Variants in THSD7A observed in about 807,000 individuals in gnomAD.
THSD7A encodes the protein thrombospondin type-1 domain-containing protein 7A.
Under a neutral mutation model 231.3 loss-of-function variants are expected in THSD7A, and 96 were observed. That is an observed-to-expected ratio of 0.41 (90% CI 0.35 to 0.49). THSD7A has a LOEUF of 0.49. THSD7A is among the 20% of genes least tolerant of loss of function. THSD7A has a pLI of 0.05. For synonymous variants in THSD7A, 940 were observed against 743.3 expected (o/e 1.26, Z -4.30); for missense variants, 2,290 against 2,070.2 (o/e 1.11, Z -2.06).
intron 1 of THSD7A, among the ~76,000 whole-genome samples, chr7:11,663,126 T>C (rs1271848110): frequency 1.3e-5 from 2 of 151,432 alleles, no homozygotes; most frequent in African/African-American, 4.8e-5. Flanking sequence ...AAGACTGATA[T>C]TCATAAATCT....
At position 11,474,262 on chromosome 7, in the gene THSD7A, G is replaced by A; in HGVS notation, c.2252+72C>T. On this transcript the variant is annotated intron_variant, in intron 8 of 27. Coordinates refer to ENST00000423059, the MANE Select transcript of THSD7A (RefSeq NM_015204.3). This position sits in a 1 kb window ranked among gnomAD's most constrained non-coding sequence, Gnocchi z 4.1. ...GCATCAAAATGTTCCATTTCATGAAGCCAGTGAAGCCTGAGCCAATCCTCT... is the reference window on the plus strand; with the variant it reads ...GCATCAAAATGTTCCATTTCATGAAACCAGTGAAGCCTGAGCCAATCCTCT... The A allele has an allele frequency of 1.6e-6, 2 of 1,254,784 alleles. No homozygotes were observed. Among genetic ancestry groups the A allele is most frequent in the South Asian group, 3.0e-5 (2 of 67,178 alleles). 77.7% of individuals were successfully genotyped at this position (1,254,784 alleles called of 1,614,324 possible).
intron 6 of THSD7A, among the ~76,000 whole-genome samples, chr7:11,497,227 G>A (rs55733317): frequency 6.6e-6 from 1 of 152,236 alleles, no homozygotes; most frequent in Non-Finnish European, 1.5e-5. Flanking sequence ...ATAGGATGAG[G>A]GAAACTGCCC....
Position 11,474,466 on chromosome 7 carries a change from C to A in THSD7A, c.2120G>T (p.Cys707Phe). 1 of 1,613,578 alleles carries A rather than the reference C, an allele frequency of 6.2e-7. No homozygotes were observed. The highest frequency in any genetic ancestry group is 1.1e-5 in the South Asian group (1 of 91,078). ...YHWQTGPWGQ[C>F]IEDTSVSSFN... The stretch of plus-strand genomic sequence containing the variant: ...GGACGATACTGAGGTGTCCTCAATG[C>A]ACTGGCCCCAGGGACCAGTTTGCCA... The change falls in exon 8 of 28, where the codon TGC becomes TTC. Residue 707 changes from cysteine (C) to phenylalanine (F), a missense_variant. By Grantham distance (205) the Cys-to-Phe change is radical. Coordinates refer to ENST00000423059, the MANE Select transcript of THSD7A (RefSeq NM_015204.3). The surrounding 1 kb of genome is among the most constrained non-coding windows in gnomAD (Gnocchi z 4.1).
At chr7:11,613,816 A>G (rs941930820) in intron 2 of THSD7A, among the ~76,000 whole-genome samples, 9 of 152,182 alleles carry the variant, frequency 5.9e-5, no homozygotes, top group African/African-American at 1.9e-4. Context: ...TCTCCCCTGA[A>G]TTAACAATTA....
chr7:11,794,618 T>C (rs893115275), intron 1 of THSD7A, among the ~76,000 whole-genome samples: 1 of 151,942 alleles, frequency 6.6e-6, no homozygotes, highest in Non-Finnish European at 1.5e-5. Context: ...GTACCAGTAT[T>C]TAAGCTTGCT....
chr7:11,751,551 G>A (rs1169419607), intron 1 of THSD7A, among the ~76,000 whole-genome samples: 1 of 151,916 alleles, frequency 6.6e-6, no homozygotes, highest in Admixed American at 6.6e-5. Context: ...GAGTGTACCA[G>A]AGTCCAGGTG....
At chr7:11,380,714 A>AAG (rs1401963801) in intron 24 of THSD7A, among the ~76,000 whole-genome samples, 5 of 152,164 alleles carry the variant, frequency 3.3e-5, no homozygotes, top group Non-Finnish European at 7.4e-5. Flanking sequence ...AAGATAGGTA[A>AAG]TATACTTTAC....
intron 2 of THSD7A, among the ~76,000 whole-genome samples, 178 bp from the exon 3 acceptor site, chr7:11,593,680 C>T (rs1045082167): frequency 2.0e-5 from 3 of 152,152 alleles, no homozygotes; most frequent in African/African-American, 7.2e-5. Context: ...TCAAAGCTAA[C>T]ATTTGCATAT....
intron 1 of THSD7A, among the ~76,000 whole-genome samples, chr7:11,787,260 C>T (rs1284472583): frequency 7.1e-6 from 1 of 140,392 alleles, no homozygotes; most frequent in Non-Finnish European, 1.5e-5. Flanking sequence ...CAAAAATTAA[C>T]TCAAAATGGA....
chr7:11,462,241 T>C (rs1259867107), intron 9 of THSD7A, 98 bp from the exon 10 acceptor site: 3 of 1,368,936 alleles, frequency 2.2e-6, no homozygotes, highest in Middle Eastern at 2.3e-4. Context: ...TCCAGCTACA[T>C]GTGCTTTGAC....
intron 4 of THSD7A, among the ~76,000 whole-genome samples, chr7:11,584,770 G>T (rs898961206): frequency 5.3e-5 from 8 of 152,038 alleles, no homozygotes; most frequent in African/African-American, 1.7e-4. Context: ...CTGAAAACAA[G>T]GTGTGTGAAT....
At chr7:11,778,151 C>T (rs1484851658) in intron 1 of THSD7A, among the ~76,000 whole-genome samples, 3 of 33,644 alleles carry the variant, frequency 8.9e-5, no homozygotes, top group African/African-American at 2.1e-4. Context: ...AGCGAGACTC[C>T]GTCTCAAAAA....
At chr7:11,569,620 T>C (rs1016357904) in intron 4 of THSD7A, among the ~76,000 whole-genome samples, 1 of 152,198 alleles carries the variant, frequency 6.6e-6, no homozygotes, top group African/African-American at 2.4e-5. Flanking sequence ...TTGTGGTTTC[T>C]CAAAAAATTA....
intron 1 of THSD7A, among the ~76,000 whole-genome samples, chr7:11,757,520 C>T (rs1782724742): frequency 6.6e-6 from 1 of 151,964 alleles, no homozygotes; most frequent in Non-Finnish European, 1.5e-5. Context: ...AGATCTAGCC[C>T]TGTAAATCCT....
At chr7:11,493,131 A>G (rs185818281) in intron 6 of THSD7A, among the ~76,000 whole-genome samples, 1 of 152,160 alleles carries the variant, frequency 6.6e-6, no homozygotes, top group Non-Finnish European at 1.5e-5. Flanking sequence ...TAAAACGTAT[A>G]TAGCTGATAC....
chr7:11,528,127 C>A lies in THSD7A; in HGVS notation c.1822+13292G>T, dbSNP rs183619908. Among the ~76,000 whole-genome samples, 331 of 152,184 alleles carry A rather than the reference C, an allele frequency of 2.2e-3. 4 individuals carry two copies. Among genetic ancestry groups the A allele is most frequent in the Middle Eastern group, 6.8e-3 (2 of 294 alleles). On this transcript the variant is annotated intron_variant, in intron 6 of 27. Coordinates refer to ENST00000423059, the MANE Select transcript of THSD7A (RefSeq NM_015204.3). ...GGGCTGCAGTGAGCTATGGTCATGC[C>A]ATTGCACTCCAGCCTGGGTGACAGA...
At chr7:11,506,117 C>T (rs1430061828) in intron 6 of THSD7A, among the ~76,000 whole-genome samples, 1 of 152,050 alleles carries the variant, frequency 6.6e-6, no homozygotes, top group Non-Finnish European at 1.5e-5. Flanking sequence ...GGGCCCTCCC[C>T]AGTAGCTGGG....
chr7:11,735,853 T>C (rs1781896975), intron 1 of THSD7A, among the ~76,000 whole-genome samples: 1 of 151,906 alleles, frequency 6.6e-6, no homozygotes, highest in Non-Finnish European at 1.5e-5. Context: ...TTAGTAGACA[T>C]GGAAAATTGA....
At chr7:11,811,528 TC>T (rs1784527708) in intron 1 of THSD7A, among the ~76,000 whole-genome samples, 1 of 152,184 alleles carries the variant, frequency 6.6e-6, no homozygotes, top group Non-Finnish European at 1.5e-5. Flanking sequence ...ATACTGACAG[TC>T]CTAATTTTCA....
Sources: gnomAD v4.1 joint callset for allele counts (sites outside exome capture counted in the v4.1 genomes callset) on GRCh38, gnomAD v4.1.1 for gene constraint, Gnocchi (gnomAD v3.1) non-coding constraint, MANE v1.5 for transcripts, NCBI Gene and HGNC (gene_info 2026-07-23, HGNC 2026-07-21) for gene names.